BLTP3A: variants seen among roughly 807,000 people sequenced by gnomAD.
BLTP3A encodes the protein ICBP90 binding protein 1.
At chr6:34,870,803 G>GAAGA in the BLTP3A span, 1 of 1,595,510 alleles carries the variant, frequency 6.3e-7, no homozygotes, top group Non-Finnish European at 8.5e-7. Context: ...AAGGTGCCTA[G>GAAGA]AAGACTCCCT....
the BLTP3A span, among the ~76,000 whole-genome samples, chr6:34,804,454 TAAG>T: frequency 4.6e-5 from 7 of 152,124 alleles, no homozygotes; most frequent in Admixed American, 2.0e-4. Context: ...AGTAATGCAT[TAAG>T]AAGTATCTGC....
chr6:34,845,063 TCTA>T, the BLTP3A span, among the ~76,000 whole-genome samples: 6 of 152,238 alleles, frequency 3.9e-5, no homozygotes, highest in Non-Finnish European at 8.8e-5. Context: ...GTTTCATTCT[TCTA>T]CATATGGATA....
the BLTP3A span, among the ~76,000 whole-genome samples, chr6:34,828,062 A>G: frequency 2.0e-5 from 3 of 152,212 alleles, no homozygotes; most frequent in Non-Finnish European, 4.4e-5. Context: ...CATTATATGT[A>G]CTGTATATAT....
At chr6:34,872,466 GGA>G in the BLTP3A span, 1 of 1,591,884 alleles carries the variant, frequency 6.3e-7, no homozygotes, top group Non-Finnish European at 8.5e-7. Flanking sequence ...TCTGTGCCAA[GGA>G]GAGAGGCTAT....
chr6:34,823,254 C>T, the BLTP3A span: 1 of 1,613,060 alleles, frequency 6.2e-7, no homozygotes, highest in South Asian at 1.1e-5. Context: ...ACTTCTATTT[C>T]AGTGTCTGGA....
At chr6:34,858,344 T>A in the BLTP3A span, 10 of 1,614,204 alleles carry the variant, frequency 6.2e-6, no homozygotes, top group Non-Finnish European at 8.5e-6. Flanking sequence ...CTTCTGCACA[T>A]GCTTTTTTTG....
chr6:34,792,351 C>T, the BLTP3A span: 1 of 1,448,670 alleles, frequency 6.9e-7, no homozygotes, highest in East Asian at 2.8e-5. Context: ...CCCTCTCCGA[C>T]CTCCTCCCTG....
the BLTP3A span, chr6:34,871,576 T>C: frequency 1.2e-6 from 2 of 1,611,740 alleles, no homozygotes; most frequent in South Asian, 1.1e-5. Flanking sequence ...TTTCTCTCTT[T>C]CCTGCAGGAT....
chr6:34,848,297 AT>A, the BLTP3A span, among the ~76,000 whole-genome samples: 1,117 of 151,732 alleles, frequency 7.4e-3, 14 homozygotes, highest in African/African-American at 0.023. Context: ...AAAAAAAATA[AT>A]AATAATCAAT....
At chr6:34,803,931 T>A in the BLTP3A span, among the ~76,000 whole-genome samples, 1 of 152,226 alleles carries the variant, frequency 6.6e-6, no homozygotes, top group African/African-American at 2.4e-5. Context: ...CTTTCTTTTT[T>A]AAATCTTTCT....
At chr6:34,868,034 G>T in the BLTP3A span, among the ~76,000 whole-genome samples, 1 of 152,152 alleles carries the variant, frequency 6.6e-6, no homozygotes, top group Admixed American at 6.5e-5. Context: ...TTGGCTGGGC[G>T]CGGGGCTCAT....
At chr6:34,853,267 CT>C in the BLTP3A span, among the ~76,000 whole-genome samples, 1 of 152,186 alleles carries the variant, frequency 6.6e-6, no homozygotes, top group Non-Finnish European at 1.5e-5. Flanking sequence ...GCGGCAAACT[CT>C]CAGGCTCAGG....
At chr6:34,821,157 T>C in the BLTP3A span, among the ~76,000 whole-genome samples, 3 of 152,114 alleles carry the variant, frequency 2.0e-5, no homozygotes, top group Non-Finnish European at 4.4e-5. Context: ...GGTTTCTCCA[T>C]GTAGGTCAGG....
chr6:34,847,286 CT>C, the BLTP3A span, among the ~76,000 whole-genome samples: 2 of 149,694 alleles, frequency 1.3e-5, no homozygotes, highest in African/African-American at 4.9e-5. Context: ...TTTGATGTGT[CT>C]TTGTCTGATT....
chr6:34,792,624 C>T, the BLTP3A span, among the ~76,000 whole-genome samples: 1 of 152,300 alleles, frequency 6.6e-6, no homozygotes, highest in African/African-American at 2.4e-5. Flanking sequence ...CACCTCCAAG[C>T]AGGTCACCCC....
chr6:34,841,771 A>G, the BLTP3A span, among the ~76,000 whole-genome samples: 2 of 152,210 alleles, frequency 1.3e-5, no homozygotes, highest in South Asian at 2.1e-4. Context: ...CTGGATGGCA[A>G]AGATAGAAAT....
At chr6:34,843,148 T>C in the BLTP3A span, among the ~76,000 whole-genome samples, 1 of 152,084 alleles carries the variant, frequency 6.6e-6, no homozygotes, top group Non-Finnish European at 1.5e-5. Context: ...CACACCTGGC[T>C]AATTTTTGTA....
chr6:34,855,601 T>A, the BLTP3A span: 1 of 1,612,660 alleles, frequency 6.2e-7, no homozygotes, highest in Non-Finnish European at 8.5e-7. Flanking sequence ...CATTCACCTG[T>A]ATTTTTATTT....
chr6:34,840,391 T>TAA, the BLTP3A span, among the ~76,000 whole-genome samples: 1,352 of 123,524 alleles, frequency 0.011, 15 homozygotes, highest in Middle Eastern at 0.032. Flanking sequence ...CGTCTCTACT[T>TAA]AAAAAAAAAA....
Sources: gnomAD v4.1 joint callset for allele counts (sites outside exome capture counted in the v4.1 genomes callset) on GRCh38, gnomAD v4.1.1 for gene constraint, MANE v1.5 for transcripts, NCBI Gene and HGNC (gene_info 2026-07-23, HGNC 2026-07-21) for gene names.